RFPL1: variants seen among roughly 807,000 people sequenced by gnomAD.
The protein encoded by RFPL1 is ret finger protein-like 1.
A neutral mutation model predicts 9.6 loss-of-function variants in RFPL1; 6 were observed. That is an observed-to-expected ratio of 0.62 (90% confidence interval 0.34 to 1.23). The LOEUF (loss-of-function observed/expected upper bound fraction) is 1.23, where lower values mean the gene tolerates loss of function less well. Ranked by LOEUF, RFPL1 falls within the 50% of genes most tolerant of loss-of-function variation. The pLI, the probability that RFPL1 is intolerant of heterozygous loss-of-function variation, is 0.03. For synonymous variants in RFPL1, 145 were observed against 149.4 expected, an observed-to-expected ratio of 0.97 and a Z score of 0.22; for missense variants, 352 against 398.4, an observed-to-expected ratio of 0.88 and a Z score of 0.99.
chr22:29,397,754 T>G, the RFPL1 span, among the ~76,000 whole-genome samples: 2 of 152,132 alleles, frequency 1.3e-5, no homozygotes, highest in Non-Finnish European at 2.9e-5. Flanking sequence ...GCATGCAGAT[T>G]GGGACCCTGC....
the RFPL1 span, among the ~76,000 whole-genome samples, chr22:29,388,836 G>A: frequency 6.6e-6 from 1 of 152,192 alleles, no homozygotes; most frequent in African/African-American, 2.4e-5. Flanking sequence ...GCAAATCTGA[G>A]GTTCTAAGAG....
the RFPL1 span, among the ~76,000 whole-genome samples, chr22:29,427,511 T>C: frequency 6.6e-6 from 1 of 152,230 alleles, no homozygotes; most frequent in Non-Finnish European, 1.5e-5. Context: ...TGGATGCCCA[T>C]TCTGTGCTGG....
chr22:29,429,970 C>A, the RFPL1 span, among the ~76,000 whole-genome samples: 1 of 149,212 alleles, frequency 6.7e-6, no homozygotes, highest in South Asian at 2.1e-4. Context: ...TCTTTTATTT[C>A]TATTTTGAAT....
intron 1 of RFPL1, chr22:29,441,186 A>G (rs1602924599): frequency 3.6e-6 from 1 of 278,636 alleles, no homozygotes; most frequent in Non-Finnish European, 6.8e-6. Flanking sequence ...TTTAACATCG[A>G]CCATTTGCAT....
At chr22:29,426,502 A>G in the RFPL1 span, among the ~76,000 whole-genome samples, 2 of 152,112 alleles carry the variant, frequency 1.3e-5, no homozygotes, top group Admixed American at 6.5e-5. Context: ...CTGTAATCTC[A>G]GTACTTTGGG....
chr22:29,401,231 T>C, the RFPL1 span, among the ~76,000 whole-genome samples: 4 of 152,252 alleles, frequency 2.6e-5, no homozygotes, highest in African/African-American at 2.4e-5. Flanking sequence ...CAACCATAAA[T>C]TCAAAGTTTC....
the RFPL1 span, among the ~76,000 whole-genome samples, chr22:29,428,408 T>G: frequency 6.6e-6 from 1 of 152,204 alleles, no homozygotes; most frequent in South Asian, 2.1e-4. Context: ...CAATAATAAT[T>G]AGGGAGTTCA....
upstream of RFPL1, among the ~76,000 whole-genome samples, chr22:29,434,028 C>T (rs1206614534): frequency 2.0e-5 from 3 of 152,008 alleles, no homozygotes; most frequent in Non-Finnish European, 4.4e-5. Flanking sequence ...CACATACACA[C>T]AAATTTTTTT....
At chr22:29,408,005 A>G in the RFPL1 span, among the ~76,000 whole-genome samples, 1 of 152,254 alleles carries the variant, frequency 6.6e-6, no homozygotes, top group African/African-American at 2.4e-5. Flanking sequence ...TTATTGACAC[A>G]GCATCCTGAA....
chr22:29,411,845 G>A, the RFPL1 span, among the ~76,000 whole-genome samples: 1 of 152,108 alleles, frequency 6.6e-6, no homozygotes, highest in Admixed American at 6.5e-5. Context: ...TATATTGGGG[G>A]TTTGTGTTAT....
the RFPL1 span, among the ~76,000 whole-genome samples, chr22:29,431,240 G>C: frequency 1.3e-5 from 2 of 152,100 alleles, no homozygotes; most frequent in African/African-American, 4.8e-5. Context: ...AGAGAGCAAG[G>C]GCTGCAGGAT....
chr22:29,434,037 T>C (rs2062797109), upstream of RFPL1, among the ~76,000 whole-genome samples: 1 of 152,078 alleles, frequency 6.6e-6, no homozygotes, highest in South Asian at 2.1e-4. Context: ...ACAAATTTTT[T>C]TGAGATGTGG....
At chr22:29,420,622 G>A in the RFPL1 span, among the ~76,000 whole-genome samples, 1 of 123,652 alleles carries the variant, frequency 8.1e-6, no homozygotes, top group African/African-American at 3.0e-5. Flanking sequence ...AGCCACTGCA[G>A]ATGGTTTTTT....
upstream of RFPL1, among the ~76,000 whole-genome samples, chr22:29,435,911 G>A (rs894725529): frequency 6.6e-6 from 1 of 152,138 alleles, no homozygotes; most frequent in African/African-American, 2.4e-5. Flanking sequence ...TCAGCCTGGA[G>A]GACATTATGT....
chr22:29,410,369 T>G, the RFPL1 span, among the ~76,000 whole-genome samples: 367 of 72,336 alleles, frequency 5.1e-3, 9 homozygotes, highest in Admixed American at 8.8e-3. Context: ...TAGATATATA[T>G]ATCTATATAT....
chr22:29,434,920 A>T (rs544610071), upstream of RFPL1: 1 of 152,352 alleles, frequency 6.6e-6, no homozygotes, highest in African/African-American at 2.4e-5. Context: ...TTGCAGATTC[A>T]ATTATCGATG....
At chr22:29,415,046 A>G in the RFPL1 span, among the ~76,000 whole-genome samples, 7 of 152,220 alleles carry the variant, frequency 4.6e-5, no homozygotes, top group South Asian at 1.2e-3. Context: ...CAAGCAGTTT[A>G]AACCAAGTGA....
At chr22:29,440,351 T>C (rs1172806298) in intron 1 of RFPL1, 2 of 152,214 alleles carry the variant, frequency 1.3e-5, no homozygotes, top group East Asian at 1.9e-4. Flanking sequence ...AAAATCTATA[T>C]TGGTGATCAT....
chr22:29,438,713 G>T (rs2062821332), exon 1 of RFPL1: 3 of 1,560,058 alleles, frequency 1.9e-6, no homozygotes, highest in Non-Finnish European at 8.7e-7. Flanking sequence ...GAAGACGGGG[G>T]GTGGGGGGAT....
Sources: gnomAD v4.1 joint callset for allele counts (sites outside exome capture counted in the v4.1 genomes callset) on GRCh38, gnomAD v4.1.1 for gene constraint, MANE v1.5 for transcripts, NCBI Gene and HGNC (gene_info 2026-07-23, HGNC 2026-07-21) for gene names.